RYR3: variants seen among roughly 807,000 people sequenced by gnomAD.
The protein encoded by RYR3 is brain ryanodine receptor-calcium release channel.
Under a neutral mutation model 584.3 loss-of-function variants are expected in RYR3, and 207 were observed. That is an observed-to-expected ratio of 0.35 (90% CI 0.32 to 0.40). The LOEUF is 0.40. Among genes scored for constraint, RYR3 ranks in the 10% least tolerant of loss-of-function variants. The pLI is 1.00. For synonymous variants in RYR3, 2,416 were observed against 2,248.5 expected (o/e 1.07, Z -2.11); for missense variants, 5,616 against 6,089.2 (o/e 0.92, Z 2.59).
Position 33,353,455 on chromosome 15 carries a change from A to G in RYR3, c.51+42359A>G, listed in dbSNP as rs1973546391. Among the ~76,000 whole-genome samples, 3 of 152,190 alleles carry G rather than the reference A, an allele frequency of 2.0e-5. No individual in the cohort carries two copies. The South Asian group carries it at 6.2e-4, about 31-fold the overall frequency. ...GTGGCAGTGGAGTTGGGGAGAAGGCATCAGATTTGAAGCTTATTTGGGAGG... is the reference window on the plus strand; with the variant it reads ...GTGGCAGTGGAGTTGGGGAGAAGGCGTCAGATTTGAAGCTTATTTGGGAGG... On this transcript the variant is annotated intron_variant, in intron 1 of 103. Coordinates refer to ENST00000634891, the MANE Select transcript of RYR3 (RefSeq NM_001036.6).
chr15:33,710,784 T>C (rs1375658658), intron 43 of RYR3, among the ~76,000 whole-genome samples: 1 of 152,236 alleles, frequency 6.6e-6, no homozygotes, highest in African/African-American at 2.4e-5. Flanking sequence ...ATGGCTTGCA[T>C]TCTCCAAAGT....
intron 27 of RYR3, among the ~76,000 whole-genome samples, chr15:33,640,695 T>A (rs1015345516): frequency 1.3e-5 from 2 of 152,026 alleles, no homozygotes; most frequent in Non-Finnish European, 2.9e-5. Context: ...GAACTGGGGG[T>A]CCTGTACAAA....
chr15:33,385,278 G>A (rs2041506706), intron 1 of RYR3, among the ~76,000 whole-genome samples: 1 of 152,156 alleles, frequency 6.6e-6, no homozygotes, highest in South Asian at 2.1e-4. Flanking sequence ...CTATCCCCTT[G>A]TGCTTAATAG....
chr15:33,371,569 C>A lies in RYR3; in HGVS notation c.51+60473C>A, dbSNP rs185288802. Among the ~76,000 whole-genome samples the A allele has an allele frequency of 5.3e-5, 8 of 152,286 alleles. No homozygotes were observed. The East Asian group carries it at 1.5e-3, about 29-fold the overall frequency. On this transcript the variant is annotated intron_variant, in intron 1 of 103. Transcript: ENST00000634891. ...AGATAAATAAAATACTGTCCATGAT[C>A]TAAGCTTTATTGTCCATGGGGTTTA...
intron 5 of RYR3, among the ~76,000 whole-genome samples, chr15:33,535,462 G>A (rs767980008): frequency 6.6e-6 from 1 of 152,156 alleles, no homozygotes; most frequent in Non-Finnish European, 1.5e-5. Flanking sequence ...TTTGTTTTCA[G>A]CCAAAGTGTT....
rs1269016605 is a variant in RYR3, at chr15:33,601,421, T to A, written c.1791T>A (p.Val597=). 1.2e-5 allele frequency: 19 copies of A among 1,612,160 alleles called. No individual in the cohort carries two copies. The highest frequency in any genetic ancestry group is 1.5e-5 in the Non-Finnish European group (18 of 1,179,268). The stretch of plus-strand genomic sequence containing the variant: ...TTGGTGGGTGTGTCCTGCTGCAGGT[T>A]CTGGATATCCTGTGCTCCCTCTGTC... ...LLDKHGRNHK[V]LDILCSLCLC... Residue 597 remains valine, a splice_region_variant and synonymous_variant, in exon 17 of 104, where the codon GTT becomes GTA. Transcript: ENST00000634891.
chr15:33,329,544 C>T lies in RYR3; in HGVS notation c.51+18448C>T, dbSNP rs149230203. Among the ~76,000 whole-genome samples, 760 of 152,218 alleles carry T rather than the reference C, an allele frequency of 5.0e-3. 5 individuals are homozygous for T. Among genetic ancestry groups the T allele is most frequent in the African/African-American group, 0.017 (724 of 41,508 alleles). On this transcript the variant is annotated intron_variant, in intron 1 of 103. Transcript: ENST00000634891. ...TCCTGAAAGGAGCATCAGGCTCACT[C>T]GTTTCAGTGTGTAGAGCGATTCCAC... is the stretch of plus-strand genomic sequence containing the variant.
chr15:33,335,303 A>G (rs1970829152), intron 1 of RYR3, among the ~76,000 whole-genome samples: 1 of 152,248 alleles, frequency 6.6e-6, no homozygotes, highest in Non-Finnish European at 1.5e-5. Context: ...GATAGACTGG[A>G]TAAAGAAAAT....
chr15:33,635,584 A>G (rs1197215217), intron 25 of RYR3, 30 bp from the exon 26 acceptor site: 2 of 1,571,870 alleles, frequency 1.3e-6, no homozygotes, highest in Admixed American at 3.4e-5. Flanking sequence ...TCCCTTCCAC[A>G]CCCTCTGTTC....
rs150939715 is a variant in RYR3, at chr15:33,723,090, C to G, written c.6800+195C>G. ...CTAGTGATCAGCATCACCTTCACCCCCTTCCATTTTCTCTACTCTGCTCAG... is the reference window on the plus strand; with the variant it reads ...CTAGTGATCAGCATCACCTTCACCCGCTTCCATTTTCTCTACTCTGCTCAG... On this transcript the variant is annotated intron_variant, in intron 44 of 103. Transcript: ENST00000634891. 1.4e-3 allele frequency among the ~76,000 whole-genome samples: 209 copies of G among 152,378 alleles called. 2 individuals are homozygous for G. The highest frequency in any genetic ancestry group is 4.9e-3 in the African/African-American group (203 of 41,596).
At chr15:33,442,641 C>A (rs1332729653) in intron 1 of RYR3, among the ~76,000 whole-genome samples, 3 of 152,168 alleles carry the variant, frequency 2.0e-5, no homozygotes, top group African/African-American at 7.2e-5. Flanking sequence ...TTGCACATGG[C>A]CTGAAAATGT....
chr15:33,673,255 G>A (rs1375996589), intron 38 of RYR3, among the ~76,000 whole-genome samples: 2 of 152,194 alleles, frequency 1.3e-5, no homozygotes, highest in Admixed American at 1.3e-4. Flanking sequence ...TTCAGATAAG[G>A]TGGTGGTGGG....
chr15:33,478,180 C>A (rs2049598126), intron 2 of RYR3, among the ~76,000 whole-genome samples: 1 of 152,044 alleles, frequency 6.6e-6, no homozygotes, highest in African/African-American at 2.4e-5. Flanking sequence ...CATCAGTCTT[C>A]TCAGAAGGAC....
intron 18 of RYR3, among the ~76,000 whole-genome samples, chr15:33,606,457 G>A (rs2059910117): frequency 6.6e-6 from 1 of 152,152 alleles, no homozygotes; most frequent in Admixed American, 6.5e-5. Context: ...AATGAGAAAA[G>A]AATTCTCAAA....
intron 85 of RYR3, among the ~76,000 whole-genome samples, chr15:33,830,344 C>T (rs1048951741): frequency 6.6e-6 from 1 of 152,216 alleles, no homozygotes; most frequent in South Asian, 2.1e-4. Context: ...GAACTTACAA[C>T]TTGCTGAGAG....
Position 33,801,944 on chromosome 15 carries a change from A to C in RYR3, c.9994A>C (p.Lys3332Gln), listed in dbSNP as rs756144043. The part of the protein sequence containing the change: ...NNLAFLTGDS[K>Q]SKMSKAMQVK... ...TTTGGCATTTTTAACTGGAGACAGC[A>C]AAAGCAAGATGTCAAAAGTAAGTCC... is the stretch of plus-strand genomic sequence containing the variant. The change falls in exon 69 of 104, where the codon AAA becomes CAA. Residue 3332 changes from lysine to glutamine, a missense_variant. By Grantham distance (53) the Lys-to-Gln change is moderately conservative. Transcript: ENST00000634891. 4 of 1,592,302 alleles carry C rather than the reference A, an allele frequency of 2.5e-6. No homozygotes were observed. In the African/African-American group the frequency reaches 5.4e-5, roughly 21 times the overall value.
intron 1 of RYR3, among the ~76,000 whole-genome samples, chr15:33,326,222 A>G (rs1969684982): frequency 6.6e-6 from 1 of 152,174 alleles, no homozygotes; most frequent in Non-Finnish European, 1.5e-5. Flanking sequence ...AGATAGGAAA[A>G]GACCCCTGGC....
At chr15:33,773,427 A>C (rs1003368870) in intron 63 of RYR3, 107 bp from the exon 64 acceptor site, 42 of 763,020 alleles carry the variant, frequency 5.5e-5, no homozygotes, top group Non-Finnish European at 8.4e-5. Flanking sequence ...AGAAAGGGAG[A>C]GATCTTTTAC....
intron 45 of RYR3, among the ~76,000 whole-genome samples, chr15:33,725,337 TCTC>T (rs1200213521): frequency 6.6e-6 from 1 of 152,108 alleles, no homozygotes; most frequent in East Asian, 1.9e-4. Flanking sequence ...GGGCGGGCCT[TCTC>T]CTTTCCCTGG....
Sources: allele counts gnomAD v4.1 joint callset (sites outside exome capture counted in the v4.1 genomes callset), GRCh38; gene constraint gnomAD v4.1.1; transcripts MANE v1.5; gene names NCBI Gene and HGNC (gene_info 2026-07-23, HGNC 2026-07-21).